The following CADPS2 variants were observed in gnomAD, a reference collection of about 807,000 sequenced individuals.
CADPS2 encodes calcium-dependent secretion activator 2.
CADPS2 carries 93 observed loss-of-function variants against 172.5 expected under a neutral mutation model. The observed-to-expected ratio is 0.54, with a 90% CI of 0.46 to 0.64. The LOEUF (loss-of-function observed/expected upper bound fraction) is 0.64, where lower values mean the gene tolerates loss of function less well. Ranked by LOEUF, CADPS2 falls within the 30% of genes least tolerant of loss-of-function variation. The pLI, the probability that CADPS2 is intolerant of heterozygous loss-of-function variation, is 0.00. For missense variants in CADPS2, 1,420 were observed against 1,565.9 expected (o/e 0.91, Z 1.57); for synonymous variants, 546 against 555.2 (o/e 0.98, Z 0.23).
intron 15 of CADPS2, among the ~76,000 whole-genome samples, chr7:122,443,710 C>CAAAAA (rs56137420): frequency 4.5e-4 from 26 of 57,854 alleles, no homozygotes; most frequent in Non-Finnish European, 5.3e-4. Context: ...CTGCTTTCTA[C>CAAAAA]AAAAAAAAAA....
intron 28 of CADPS2, among the ~76,000 whole-genome samples, chr7:122,335,277 T>G (rs934521966): frequency 6.6e-6 from 1 of 152,110 alleles, no homozygotes; most frequent in South Asian, 2.1e-4. Context: ...TGAGATGGAG[T>G]CTCGCTCTGT....
intron 14 of CADPS2, among the ~76,000 whole-genome samples, chr7:122,467,343 T>C (rs1050374429): frequency 6.6e-6 from 1 of 152,184 alleles, no homozygotes; most frequent in Non-Finnish European, 1.5e-5. Context: ...ATTATCTACG[T>C]TGTTTCTCAA....
chr7:122,469,029 T>G (rs1197822623), intron 14 of CADPS2, among the ~76,000 whole-genome samples: 1 of 152,206 alleles, frequency 6.6e-6, no homozygotes, highest in Non-Finnish European at 1.5e-5. Flanking sequence ...ACATGCAATA[T>G]TAAAGATAAT....
rs769444209 is a variant in CADPS2 at position 122,630,003 on chromosome 7, T to C, written c.787-675A>G. On this transcript the variant is annotated intron_variant, in intron 3 of 29. Coordinates refer to ENST00000449022, the MANE Select transcript of CADPS2 (RefSeq NM_017954.11). ...CACTTCATGAACTAATCCTTAACTT[T>C]TTCTATAACTTATTTTAACTTTACT... 3.9e-5 allele frequency among the ~76,000 whole-genome samples: 6 copies of C among 152,170 alleles called. 1 individual carries two copies. The highest frequency in any genetic ancestry group is 2.0e-4 in the Admixed American group (3 of 15,268).
At chr7:122,585,249 A>ATACAACT (rs570540925) in intron 6 of CADPS2, among the ~76,000 whole-genome samples, 1,584 of 152,066 alleles carry the variant, frequency 0.01, 23 homozygotes, top group African/African-American at 0.035. Flanking sequence ...GAAAGTTGGG[A>ATACAACT]TTTATCATTT....
intron 7 of CADPS2, among the ~76,000 whole-genome samples, chr7:122,563,829 T>A (rs1165704931): frequency 6.6e-6 from 1 of 152,168 alleles, no homozygotes; most frequent in African/African-American, 2.4e-5. Flanking sequence ...CATGGACTAC[T>A]GATAGATGTG....
At chr7:122,677,914 T>C (rs901739054) in intron 2 of CADPS2, among the ~76,000 whole-genome samples, 2 of 152,200 alleles carry the variant, frequency 1.3e-5, no homozygotes, top group Non-Finnish European at 2.9e-5. Flanking sequence ...CGCAGCTTGA[T>C]GGTATTTCTC....
chr7:122,342,227 A>G (rs1282118239), intron 28 of CADPS2, among the ~76,000 whole-genome samples: 2 of 152,180 alleles, frequency 1.3e-5, no homozygotes, highest in Non-Finnish European at 2.9e-5. Context: ...AATACCCCAG[A>G]AGCAGATTTT....
chr7:122,518,192 T>G (rs2060519029), intron 8 of CADPS2, among the ~76,000 whole-genome samples: 1 of 152,012 alleles, frequency 6.6e-6, no homozygotes, highest in Admixed American at 6.6e-5. Flanking sequence ...ATAGCCAATT[T>G]TTAAAGACTT....
chr7:122,380,615 A>G (rs1189103157), intron 24 of CADPS2, among the ~76,000 whole-genome samples: 1 of 152,114 alleles, frequency 6.6e-6, no homozygotes, highest in Non-Finnish European at 1.5e-5. Context: ...AAACCTGCAT[A>G]AATAATAAAG....
At chr7:122,480,735 G>A in intron 12 of CADPS2, 117 bp downstream of exon 12, 1 of 633,530 alleles carries the variant, frequency 1.6e-6, no homozygotes, top group Non-Finnish European at 2.5e-6. Flanking sequence ...TAAATATTCT[G>A]GGTTTGGCTA....
At chr7:122,683,185 T>A (rs1204919605) in intron 2 of CADPS2, among the ~76,000 whole-genome samples, 1 of 152,214 alleles carries the variant, frequency 6.6e-6, no homozygotes, top group Non-Finnish European at 1.5e-5. Context: ...GAAGGTGATC[T>A]TTCCCTGAAG....
chr7:122,786,111 T>TC (rs112214892), intron 1 of CADPS2, among the ~76,000 whole-genome samples: 28,739 of 152,186 alleles, frequency 0.19, 2,830 homozygotes, highest in Middle Eastern at 0.27. Flanking sequence ...TCTAGTAGTC[T>TC]CGTCTATTTC....
intron 8 of CADPS2, among the ~76,000 whole-genome samples, chr7:122,513,936 AG>A (rs1303541848): frequency 2.0e-5 from 3 of 152,198 alleles, no homozygotes; most frequent in Non-Finnish European, 2.9e-5. Context: ...ATAGTAACGA[AG>A]ATGCCATTGG....
rs1311013710 is a variant in CADPS2 at position 122,640,472 on chromosome 7, C to T, written c.787-11144G>A. Among the ~76,000 whole-genome samples the T allele has an allele frequency of 1.8e-4, 21 of 119,318 alleles. No individual in the cohort carries two copies. The East Asian group carries it at 4.1e-3, about 23-fold the overall frequency. 78.3% of individuals were successfully genotyped at this position (119,318 alleles called of 152,430 possible). ...GTGGTTGTGTGTGCACACACATATA[C>T]ACACACACACACACACACAGAGATA... On this transcript the variant is annotated intron_variant, in intron 3 of 29. Transcript: ENST00000449022.
intron 14 of CADPS2, among the ~76,000 whole-genome samples, chr7:122,452,404 A>G (rs540034208): frequency 1.1e-4 from 16 of 152,258 alleles, no homozygotes; most frequent in African/African-American, 3.1e-4. Context: ...TTATTTGTTC[A>G]TTTAGTTTCT....
rs760883899 is a variant in CADPS2 at position 122,513,261 on chromosome 7, A to T, written c.1530T>A (p.Phe510Leu). The T allele has an allele frequency of 6.4e-7, 1 of 1,560,828 alleles. No individual in the cohort carries two copies. The highest frequency in any genetic ancestry group is 2.4e-5 in the East Asian group (1 of 42,240). ...AAAAATGACTAACCTGAACTAGAAC[A>T]AAGTAACGTTTTTTCCATCTTTTCC... ...KVWKRWKKRY[F>L]VLVQVSQYTF... is the part of the protein sequence containing the mutation. Residue 510 changes from phenylalanine to leucine, a missense_variant, in exon 9 of 30, where the codon TTT becomes TTA. By Grantham distance (22) the Phe-to-Leu change is conservative. Transcript: ENST00000449022.
At chr7:122,537,046 A>G (rs1022698511) in intron 8 of CADPS2, among the ~76,000 whole-genome samples, 6 of 152,036 alleles carry the variant, frequency 3.9e-5, no homozygotes, top group Admixed American at 3.9e-4. Context: ...AGGAGGGAAG[A>G]AGATCAGGAA....
At chr7:122,398,740 C>CTCTA (rs2045506995) in intron 20 of CADPS2, among the ~76,000 whole-genome samples, 1 of 147,106 alleles carries the variant, frequency 6.8e-6, no homozygotes, top group Non-Finnish European at 1.5e-5. Flanking sequence ...AAACACTCTT[C>CTCTA]TCTCTCTCTC....
Sources: gnomAD v4.1 joint callset for allele counts (sites outside exome capture counted in the v4.1 genomes callset) on GRCh38, gnomAD v4.1.1 for gene constraint, MANE v1.5 for transcripts, NCBI Gene and HGNC (gene_info 2026-07-23, HGNC 2026-07-21) for gene names.